The following CHI3L2 variants were observed in gnomAD, a reference collection of about 807,000 sequenced individuals.
CHI3L2 encodes the protein chitinase-3-like protein 2.
A neutral mutation model predicts 47.3 loss-of-function variants in CHI3L2; 47 were observed. That is an observed-to-expected ratio of 0.99 (90% CI 0.79 to 1.27). CHI3L2 has a LOEUF of 1.27. CHI3L2 is among the 50% of genes most tolerant of loss of function. CHI3L2 has a pLI of 0.00. For synonymous variants in CHI3L2, 198 were observed against 169.9 expected (o/e 1.17, Z -1.28); for missense variants, 497 against 462.1 (o/e 1.08, Z -0.69).
chr1:111,234,963 T>C lies in CHI3L2; in HGVS notation c.386T>C (p.Ile129Thr), dbSNP rs750126695. The C allele has an allele frequency of 2.5e-6, 4 of 1,614,064 alleles. No individual in the cohort carries two copies. The Admixed American group carries it at 6.7e-5, about 27-fold the overall frequency. Residue 129 changes from isoleucine to threonine, a missense_variant, in exon 5 of 11, where the codon ATC becomes ACC. Transcript: ENST00000369748. ...TSRLEFINSI[I>T]LFLRNHNFDG... is the part of the protein sequence containing the mutation. Reference sequence around the variant, plus strand: ...CGCTTGGAATTCATTAACTCCATAATCCTGTTTCTGAGGAACCATAACTTT... The same window carrying C: ...CGCTTGGAATTCATTAACTCCATAACCCTGTTTCTGAGGAACCATAACTTT...
rs773764473 is a variant in CHI3L2 at position 111,236,008 on chromosome 1, G to A, written c.606-16G>A. The A allele has an allele frequency of 1.2e-6, 2 of 1,613,312 alleles. No individual in the cohort carries two copies. Among genetic ancestry groups the A allele is most frequent in the Admixed American group, 3.3e-5 (2 of 59,820 alleles). On this transcript the variant is annotated splice_polypyrimidine_tract_variant and intron_variant, in intron 6 of 10. Transcript: ENST00000369748. Reference sequence around the variant, plus strand: ...TGCTCGTCACAAAATCTCTCCCATTGCTTTTGGCACTTTAGAGATCTGGAT... The same window carrying A: ...TGCTCGTCACAAAATCTCTCCCATTACTTTTGGCACTTTAGAGATCTGGAT...
chr1:111,231,658 G>A (rs1366572310), intron 4 of CHI3L2, among the ~76,000 whole-genome samples: 1 of 152,198 alleles, frequency 6.6e-6, no homozygotes, highest in African/African-American at 2.4e-5. Context: ...GTTTGACTTT[G>A]TGCCCCGGGG....
chr1:111,240,050 A>T (rs947158011), intron 8 of CHI3L2, among the ~76,000 whole-genome samples: 26 of 152,126 alleles, frequency 1.7e-4, no homozygotes, highest in African/African-American at 6.0e-4. Context: ...GAGATCAGAG[A>T]TGGGTGACTG....
At chr1:111,230,158 T>C (rs1415601756) in intron 2 of CHI3L2, among the ~76,000 whole-genome samples, 1 of 152,218 alleles carries the variant, frequency 6.6e-6, no homozygotes, top group African/African-American at 2.4e-5. Flanking sequence ...TATCTGTTTC[T>C]CTACTGATCT....
chr1:111,228,310 G>A lies in CHI3L2; in HGVS notation c.40+541G>A, dbSNP rs901466052. Among the ~76,000 whole-genome samples, 11 of 152,302 alleles carry A rather than the reference G, an allele frequency of 7.2e-5. 1 individual carries two copies. The highest frequency in any genetic ancestry group is 4.1e-4 in the South Asian group (2 of 4,832). ...TAAATAAACAAGGCTATGAGTGAAC[G>A]GGGGACGTTTACCAGGAGGGGAGGG... On this transcript the variant is annotated intron_variant, in intron 1 of 10. Transcript: ENST00000369748.
At chr1:111,242,986 T>C (rs534958045) in intron 10 of CHI3L2, among the ~76,000 whole-genome samples, 1 of 152,322 alleles carries the variant, frequency 6.6e-6, no homozygotes, top group East Asian at 1.9e-4. Context: ...TATGCTGTGA[T>C]ACATTGGTTC....
In CHI3L2 at chr1:111,227,756, G is replaced by A. The variant is rs1659566947; in HGVS notation, c.27G>A (p.Lys9=). 3 of 1,614,122 alleles carry A rather than the reference G, an allele frequency of 1.9e-6. No individual in the cohort carries two copies. The highest frequency in any genetic ancestry group is 2.5e-6 in the Non-Finnish European group (3 of 1,180,044). MGATTMDQ[K]SLWAGVVVLL... ...TGGGAGCAACCACCATGGACCAGAA[G>A]TCTCTCTGGGCAGGTGAGCATGGGG... Residue 9 remains lysine (K), a synonymous_variant, in exon 1 of 11, where the codon AAG becomes AAA. Transcript: ENST00000369748.
At chr1:111,232,079 T>C (rs1236460566) in intron 4 of CHI3L2, among the ~76,000 whole-genome samples, 2 of 152,224 alleles carry the variant, frequency 1.3e-5, no homozygotes, top group Admixed American at 6.5e-5. Context: ...GTACAACTTG[T>C]GCAACCTGTC....
At chr1:111,231,013 T>C (rs969883659) in intron 3 of CHI3L2, 70 bp downstream of exon 3, 1 of 1,195,198 alleles carries the variant, frequency 8.4e-7, no homozygotes, top group African/African-American at 1.5e-5. Flanking sequence ...AAGCTGACAC[T>C]AAGACATACT....
At chr1:111,232,155 T>C (rs1198582989) in intron 4 of CHI3L2, among the ~76,000 whole-genome samples, 1 of 152,224 alleles carries the variant, frequency 6.6e-6, no homozygotes, top group Non-Finnish European at 1.5e-5. Context: ...TGTAGATTTC[T>C]GCACACAGAA....
At chr1:111,232,366 CATTCATTCAGTAA>C (rs980620067) in intron 4 of CHI3L2, among the ~76,000 whole-genome samples, 5 of 152,294 alleles carry the variant, frequency 3.3e-5, no homozygotes, top group East Asian at 1.9e-4. Context: ...TTCATTCATT[CATTCATTCAGTAA>C]ATTCATTCAG....
chr1:111,242,336 C>A lies in CHI3L2; in HGVS notation c.1145C>A (p.Ala382Glu). ...CNQGPYPLVQ[A>E]VKRSLGSL ...CAGGGCCCTTACCCTCTTGTCCAAG[C>A]AGTCAAGAGAAGCCTTGGCTCCCTG... is the stretch of plus-strand genomic sequence containing the variant. Residue 382 changes from alanine (A) to glutamate (E), a missense_variant, in exon 10 of 11, where the codon GCA (alanine) becomes GAA (glutamate). Coordinates refer to ENST00000369748, the MANE Select transcript of CHI3L2 (RefSeq NM_004000.3). 4.3e-6 allele frequency: 7 copies of A among 1,612,406 alleles called. No homozygotes were observed. Among genetic ancestry groups the A allele is most frequent in the Non-Finnish European group, 5.9e-6 (7 of 1,179,178 alleles).
rs758061039 is a variant in CHI3L2, at chr1:111,235,001, G to A, written c.424G>A (p.Val142Ile). The change falls in exon 5 of 11, where the codon GTA becomes ATA. Residue 142 changes from valine to isoleucine, a missense_variant. By Grantham distance (29) the Val-to-Ile change is conservative. Transcript: ENST00000369748. ...GAACCATAACTTTGATGGACTGGAT[G>A]TAAGCTGGATCTACCCAGATCAGAA... The part of the protein sequence containing the change: ...LRNHNFDGLD[V>I]SWIYPDQKEN... 2 of 1,614,138 alleles carry A rather than the reference G, an allele frequency of 1.2e-6. No individual in the cohort carries two copies. The highest frequency in any genetic ancestry group is 4.5e-5 in the East Asian group (2 of 44,876).
At chr1:111,229,404 C>T (rs1479567557) in intron 1 of CHI3L2, among the ~76,000 whole-genome samples, 17 of 152,086 alleles carry the variant, frequency 1.1e-4, no homozygotes, top group Non-Finnish European at 2.1e-4. Flanking sequence ...AACCACAGGC[C>T]GGGCGCGGTG....
rs35041930 is a variant in CHI3L2, at chr1:111,234,953, A to G, written c.376A>G (p.Asn126Asp). The change falls in exon 5 of 11, where the codon AAC (asparagine) becomes GAC (aspartate). Residue 126 changes from asparagine to aspartate, a missense_variant. By Grantham distance (23) the Asn-to-Asp change is conservative. Transcript: ENST00000369748. ...DSSTSRLEFI[N>D]SIILFLRNHN... ...TTCTACATCACGCTTGGAATTCATT[A>G]ACTCCATAATCCTGTTTCTGAGGAA... 20,170 of 1,614,108 alleles carry G rather than the reference A, an allele frequency of 0.012. 170 individuals are homozygous for G. Among genetic ancestry groups the G allele is most frequent in the Non-Finnish European group, 0.014 (16,873 of 1,179,946 alleles).
intron 1 of CHI3L2, among the ~76,000 whole-genome samples, 167 bp downstream of exon 1, chr1:111,227,936 CT>C (rs1337746869): frequency 6.6e-6 from 1 of 152,236 alleles, no homozygotes; most frequent in African/African-American, 2.4e-5. Context: ...ACCACCTGAT[CT>C]TTCCTGAATG....
At chr1:111,240,394 G>A (rs1487880254) in intron 8 of CHI3L2, among the ~76,000 whole-genome samples, 3 of 152,204 alleles carry the variant, frequency 2.0e-5, no homozygotes, top group African/African-American at 7.2e-5. Context: ...ATAGGAAGTG[G>A]GAGAGAGGCT....
chr1:111,240,675 T>A (rs1490423136), intron 8 of CHI3L2, among the ~76,000 whole-genome samples: 1 of 152,230 alleles, frequency 6.6e-6, no homozygotes, highest in African/African-American at 2.4e-5. Flanking sequence ...AAAAGAGTAA[T>A]CCTAAATGGA....
Position 111,234,962 on chromosome 1 carries a change from A to G in CHI3L2, c.385A>G (p.Ile129Val), listed in dbSNP as rs1366431737. The change falls in exon 5 of 11, where the codon ATC becomes GTC. Residue 129 changes from isoleucine (I) to valine (V), a missense_variant. By Grantham distance (29) the Ile-to-Val change is conservative. Transcript: ENST00000369748. ...TSRLEFINSI[I>V]LFLRNHNFDG... ...ACGCTTGGAATTCATTAACTCCATA[A>G]TCCTGTTTCTGAGGAACCATAACTT... 2.5e-6 allele frequency: 4 copies of G among 1,614,134 alleles called. No individual in the cohort carries two copies. The highest frequency in any genetic ancestry group is 2.2e-5 in the South Asian group (2 of 91,072).
Sources: gnomAD v4.1 joint callset for allele counts (sites outside exome capture counted in the v4.1 genomes callset) on GRCh38, gnomAD v4.1.1 for gene constraint, MANE v1.5 for transcripts, NCBI Gene and HGNC (gene_info 2026-07-23, HGNC 2026-07-21) for gene names.